The following DLGAP2 variants were observed in gnomAD, a reference collection of about 807,000 sequenced individuals.
The protein encoded by DLGAP2 is disks large-associated protein 2.
Under a neutral mutation model 100.3 loss-of-function variants are expected in DLGAP2, and 26 were observed. The observed-to-expected ratio is 0.26, with a 90% CI of 0.19 to 0.36. The LOEUF is 0.36. Among genes scored for constraint, DLGAP2 ranks in the 10% least tolerant of loss-of-function variants. The pLI is 1.00. For synonymous variants in DLGAP2, 886 were observed against 630.1 expected (o/e 1.41, Z -6.08); for missense variants, 1,858 against 1,453.2 (o/e 1.28, Z -4.53).
At chr8:1,034,022 T>G (rs1441933067) in intron 2 of DLGAP2, among the ~76,000 whole-genome samples, 5 of 119,874 alleles carry the variant, frequency 4.2e-5, no homozygotes, top group African/African-American at 1.0e-4. Context: ...TCACCGCGAG[T>G]GGATTCACAC....
At chr8:857,042 A>G (rs1797292392) in intron 1 of DLGAP2, among the ~76,000 whole-genome samples, 1 of 152,238 alleles carries the variant, frequency 6.6e-6, no homozygotes, top group African/African-American at 2.4e-5. Context: ...ATGGAACAGA[A>G]CAGAGGGTCC....
chr8:808,933 G>T (rs1796319083), intron 1 of DLGAP2, among the ~76,000 whole-genome samples: 1 of 140,144 alleles, frequency 7.1e-6, no homozygotes, highest in Non-Finnish European at 1.5e-5. Context: ...CTGAGATGGA[G>T]TTTCGCTCTG....
intron 3 of DLGAP2, among the ~76,000 whole-genome samples, chr8:1,308,310 A>G (rs1181229835): frequency 1.3e-5 from 2 of 152,344 alleles, no homozygotes; most frequent in East Asian, 3.9e-4. Flanking sequence ...CAGTGACTGC[A>G]CACGGCAAAT....
chr8:1,040,950 G>T (rs921324922), intron 2 of DLGAP2, among the ~76,000 whole-genome samples: 1 of 152,064 alleles, frequency 6.6e-6, no homozygotes, highest in African/African-American at 2.4e-5. Flanking sequence ...CTTACTTTTA[G>T]TCTGTAAAGG....
chr8:774,102 C>T (rs141120828), intron 1 of DLGAP2, among the ~76,000 whole-genome samples: 30,932 of 151,976 alleles, frequency 0.2, 3,940 homozygotes, highest in Non-Finnish European at 0.28. Flanking sequence ...TGGCCAGTGA[C>T]GATGAGCATT....
intron 2 of DLGAP2, among the ~76,000 whole-genome samples, chr8:1,139,835 A>G (rs1256456878): frequency 6.6e-6 from 1 of 151,952 alleles, no homozygotes; most frequent in Non-Finnish European, 1.5e-5. Context: ...TTTAATTCTC[A>G]TAAGGGGTCT....
At chr8:1,043,893 G>A (rs1477509972) in intron 2 of DLGAP2, among the ~76,000 whole-genome samples, 2 of 152,094 alleles carry the variant, frequency 1.3e-5, no homozygotes, top group African/African-American at 4.8e-5. Flanking sequence ...TGGGCTCCAG[G>A]AAGGCAGGTG....
intron 2 of DLGAP2, among the ~76,000 whole-genome samples, chr8:1,234,139 G>C (rs1043455440): frequency 2.0e-5 from 3 of 152,222 alleles, no homozygotes; most frequent in Non-Finnish European, 4.4e-5. Context: ...AAGTTTCAAA[G>C]GCTTCTCCTG....
intron 1 of DLGAP2, among the ~76,000 whole-genome samples, chr8:879,863 C>T (rs1328766657): frequency 2.6e-5 from 4 of 152,172 alleles, no homozygotes; most frequent in Non-Finnish European, 5.9e-5. Context: ...GTTACCTGGA[C>T]TGTCTTCTCC....
chr8:1,679,495 C>A (rs1333472240), intron 12 of DLGAP2, among the ~76,000 whole-genome samples: 1 of 151,378 alleles, frequency 6.6e-6, no homozygotes, highest in African/African-American at 2.4e-5. Context: ...CCGTGTCATT[C>A]CTCTACCAGA....
intron 2 of DLGAP2, among the ~76,000 whole-genome samples, chr8:1,142,517 T>C (rs1270084589): frequency 6.6e-6 from 1 of 152,190 alleles, no homozygotes; most frequent in Non-Finnish European, 1.5e-5. Context: ...ATAGAACATC[T>C]TTTGTAAAAG....
At chr8:1,284,994 C>G (rs1799893685) in intron 3 of DLGAP2, among the ~76,000 whole-genome samples, 1 of 152,218 alleles carries the variant, frequency 6.6e-6, no homozygotes, top group African/African-American at 2.4e-5. Context: ...GTTCTTGGCT[C>G]CACCTGCATC....
intron 2 of DLGAP2, among the ~76,000 whole-genome samples, chr8:1,017,606 C>G (rs1366437369): frequency 2.8e-5 from 4 of 142,172 alleles, no homozygotes; most frequent in African/African-American, 1.0e-4. Flanking sequence ...GTGACCAGGA[C>G]AGACGGCGCC....
intron 2 of DLGAP2, among the ~76,000 whole-genome samples, chr8:936,593 C>T (rs150469289): frequency 2.0e-5 from 3 of 152,172 alleles, no homozygotes; most frequent in Non-Finnish European, 4.4e-5. Context: ...ACGACTGAGG[C>T]ACACCAGGCC....
chr8:1,565,723 A>C lies in DLGAP2; in HGVS notation c.1271A>C (p.Lys424Thr). ...TGGGGAGGGTACCCCACCGGTGGCA[A>C]AGATGAGGAGATTCCCTGCAGGAGA... Reference protein sequence around the residue: ...DEWGGYPTGGKDEEIPCRRMR... With the variant: ...DEWGGYPTGGTDEEIPCRRMR... Residue 424 changes from lysine to threonine, a missense_variant, in exon 6 of 15, where the codon AAA becomes ACA. Physicochemically the swap from Lys to Thr is moderately conservative, Grantham distance 78. Transcript: ENST00000637795. 1 of 1,613,586 alleles carries C rather than the reference A, an allele frequency of 6.2e-7. No homozygotes were observed. The highest frequency in any genetic ancestry group is 8.5e-7 in the Non-Finnish European group (1 of 1,179,744).
In DLGAP2 at chr8:1,704,618, G is replaced by A. The variant is rs1296253460; in HGVS notation, c.*3212G>A. On this transcript the variant is annotated 3_prime_UTR_variant, in exon 15 of 15. Coordinates refer to ENST00000637795, the MANE Select transcript of DLGAP2 (RefSeq NM_001346810.2). ...TCTTAGAATGGTATATAAAAAAATTGAACTGTTTATGATACCAAAAAAATT... is the reference window on the plus strand; with the variant it reads ...TCTTAGAATGGTATATAAAAAAATTAAACTGTTTATGATACCAAAAAAATT... 6.6e-6 allele frequency: 1 copy of A among 152,108 alleles called. No homozygotes were observed. The highest frequency in any genetic ancestry group is 6.6e-5 in the Admixed American group (1 of 15,266). 9.4% of individuals were successfully genotyped at this position (152,108 alleles called of 1,614,324 possible).
chr8:984,105 C>T (rs1179146040), intron 2 of DLGAP2, among the ~76,000 whole-genome samples: 1 of 152,164 alleles, frequency 6.6e-6, no homozygotes, highest in East Asian at 1.9e-4. Flanking sequence ...TACCTCGTAG[C>T]AGGAAACTGT....
chr8:1,186,125 C>T (rs1174680372), intron 2 of DLGAP2, among the ~76,000 whole-genome samples: 3 of 152,188 alleles, frequency 2.0e-5, no homozygotes, highest in Non-Finnish European at 4.4e-5. Flanking sequence ...CAAGGTGCTT[C>T]TCGCTTTGCG....
At chr8:1,030,587 G>C (rs1351424578) in intron 2 of DLGAP2, among the ~76,000 whole-genome samples, 1 of 152,186 alleles carries the variant, frequency 6.6e-6, no homozygotes, top group East Asian at 1.9e-4. Flanking sequence ...TATTTTTCAT[G>C]TTTAAGCTTT....
Sources: allele counts gnomAD v4.1 joint callset (sites outside exome capture counted in the v4.1 genomes callset), GRCh38; gene constraint gnomAD v4.1.1; transcripts MANE v1.5; gene names NCBI Gene and HGNC (gene_info 2026-07-23, HGNC 2026-07-21).